STAU2: variants seen among roughly 807,000 people sequenced by gnomAD.
The protein encoded by STAU2 is double-stranded RNA-binding protein Staufen homolog 2.
Under a neutral mutation model 65.9 loss-of-function variants are expected in STAU2, and 20 were observed. That is an observed-to-expected ratio of 0.30 (90% CI 0.21 to 0.44). The LOEUF (loss-of-function observed/expected upper bound fraction) is 0.44. STAU2 is among the 20% of genes least tolerant of loss of function. The pLI, the probability that STAU2 is intolerant of heterozygous loss-of-function variation, is 1.00. For missense variants in STAU2, 558 were observed against 683.9 expected, an observed-to-expected ratio of 0.82 and a Z score of 2.05; for synonymous variants, 232 against 233.9, an observed-to-expected ratio of 0.99 and a Z score of 0.07.
At chr8:73,731,393 T>G (rs188349236) in intron 3 of STAU2, among the ~76,000 whole-genome samples, 31 of 152,324 alleles carry the variant, frequency 2.0e-4, no homozygotes, top group Admixed American at 2.0e-3. Context: ...GTAGGACTGC[T>G]GGGCTCTGTT....
chr8:73,599,871 C>T (rs182094506), intron 10 of STAU2, among the ~76,000 whole-genome samples: 61 of 152,202 alleles, frequency 4.0e-4, no homozygotes, highest in African/African-American at 1.4e-3. Flanking sequence ...GGGTTCATGC[C>T]ATTCTCCTGC....
rs1333642783 is a variant in STAU2, at chr8:73,421,344, C to T, written c.*28G>A. The T allele has an allele frequency of 1.8e-5, 27 of 1,531,296 alleles. No individual in the cohort carries two copies. The highest frequency in any genetic ancestry group is 4.8e-5 in the South Asian group (4 of 83,922). 94.9% of individuals were successfully genotyped at this position (1,531,296 alleles called of 1,614,324 possible). On this transcript the variant is annotated 3_prime_UTR_variant, in exon 15 of 15. Transcript: ENST00000524300. Reference sequence around the variant, plus strand: ...GCGTGCTGACAGGTTTATAAGGATGCGGTGGCAGCCGCGGGTTCTGGGAGC... The same window carrying T: ...GCGTGCTGACAGGTTTATAAGGATGTGGTGGCAGCCGCGGGTTCTGGGAGC...
At chr8:73,740,024 G>A (rs970263573) in intron 1 of STAU2, among the ~76,000 whole-genome samples, 156 bp from the exon 2 acceptor site, 7 of 152,320 alleles carry the variant, frequency 4.6e-5, no homozygotes, top group African/African-American at 1.7e-4. Context: ...AAAGAACTGA[G>A]AAAAGCCTCT....
At chr8:73,619,226 C>A (rs1166794568) in intron 6 of STAU2, among the ~76,000 whole-genome samples, 1 of 152,020 alleles carries the variant, frequency 6.6e-6, no homozygotes, top group Non-Finnish European at 1.5e-5. Context: ...GGAAAAAAGT[C>A]TATCAAGGAG....
intron 13 of STAU2, among the ~76,000 whole-genome samples, chr8:73,519,371 G>T (rs1328754637): frequency 6.6e-6 from 1 of 152,202 alleles, no homozygotes; most frequent in Non-Finnish European, 1.5e-5. Context: ...ATGCAGTCAT[G>T]AATGACATTA....
intron 4 of STAU2, among the ~76,000 whole-genome samples, chr8:73,704,983 G>C (rs1324020616): frequency 6.6e-6 from 1 of 152,030 alleles, no homozygotes; most frequent in Non-Finnish European, 1.5e-5. Flanking sequence ...GTTTCATAAT[G>C]AATGTTATGA....
intron 6 of STAU2, among the ~76,000 whole-genome samples, chr8:73,632,961 G>A (rs1252516582): frequency 2.0e-5 from 3 of 152,232 alleles, no homozygotes; most frequent in African/African-American, 7.2e-5. Flanking sequence ...TAAATGATAC[G>A]CATGCTATTC....
chr8:73,484,162 G>C (rs1368074462), intron 13 of STAU2, among the ~76,000 whole-genome samples: 1 of 152,024 alleles, frequency 6.6e-6, no homozygotes, highest in Non-Finnish European at 1.5e-5. Context: ...AGGTCCCCTT[G>C]GATATTGCTA....
upstream of STAU2, chr8:73,747,333 C>G (rs998502730): frequency 2.0e-5 from 30 of 1,524,970 alleles, no homozygotes; most frequent in African/African-American, 4.0e-4. Flanking sequence ...CCCCGCCCGA[C>G]TGACCGTCTG....
At chr8:73,621,935 G>C (rs1371057700) in intron 6 of STAU2, among the ~76,000 whole-genome samples, 1 of 151,150 alleles carries the variant, frequency 6.6e-6, no homozygotes, top group Admixed American at 6.6e-5. Context: ...ACTGCACAAT[G>C]GTTAGGTCTT....
At chr8:73,507,347 C>A (rs1371896460) in intron 13 of STAU2, among the ~76,000 whole-genome samples, 1 of 151,038 alleles carries the variant, frequency 6.6e-6, no homozygotes, top group Non-Finnish European at 1.5e-5. Context: ...GGCATGAAAA[C>A]AACATTCATC....
intron 6 of STAU2, among the ~76,000 whole-genome samples, chr8:73,626,017 T>A (rs1056353449): frequency 6.6e-6 from 1 of 152,094 alleles, no homozygotes; most frequent in Non-Finnish European, 1.5e-5. Context: ...GGATGGAGTT[T>A]TAGTTTCTAG....
intron 6 of STAU2, among the ~76,000 whole-genome samples, chr8:73,638,407 C>A (rs1586171114): frequency 6.6e-6 from 1 of 151,636 alleles, no homozygotes; most frequent in East Asian, 1.9e-4. Flanking sequence ...TTGCTTACAC[C>A]ATATTAAAAA....
At chr8:73,441,916 AT>A in intron 13 of STAU2, among the ~76,000 whole-genome samples, 1 of 152,180 alleles carries the variant, frequency 6.6e-6, no homozygotes, top group East Asian at 1.9e-4. Context: ...AAACTTTAAT[AT>A]TTTTTTCTAG....
At position 73,734,805 on chromosome 8, in the gene STAU2, A is replaced by C. The variant is rs1806319452; in HGVS notation, c.-18+3479T>G. Among the ~76,000 whole-genome samples, 8 of 152,290 alleles carry C rather than the reference A, an allele frequency of 5.3e-5. No homozygotes were observed. The South Asian group carries it at 1.5e-3, about 28-fold the overall frequency. On this transcript the variant is annotated intron_variant, in intron 3 of 14. Transcript: ENST00000524300. Reference sequence around the variant, plus strand: ...TGAGACTCCATCTCAAAAAATAAAAAATAAAAAAGCATCTAATTCAGGTAT... The same window carrying C: ...TGAGACTCCATCTCAAAAAATAAAACATAAAAAAGCATCTAATTCAGGTAT...
intron 13 of STAU2, among the ~76,000 whole-genome samples, chr8:73,454,921 G>C (rs969554452): frequency 6.6e-6 from 1 of 152,172 alleles, no homozygotes; most frequent in Non-Finnish European, 1.5e-5. Context: ...GGGAAGCTGT[G>C]GCTGTGGAGA....
At chr8:73,530,016 T>C (rs1805705241) in intron 13 of STAU2, among the ~76,000 whole-genome samples, 1 of 151,862 alleles carries the variant, frequency 6.6e-6, no homozygotes. Context: ...TGCCTTTTGC[T>C]TTTTTACCCA....
intron 6 of STAU2, among the ~76,000 whole-genome samples, chr8:73,621,931 C>CA (rs1463046957): frequency 1.3e-5 from 2 of 149,876 alleles, no homozygotes; most frequent in African/African-American, 4.9e-5. Flanking sequence ...GCTTACTGCA[C>CA]AATGGTTAGG....
chr8:73,495,568 AACTT>A (rs1821365007), intron 13 of STAU2, among the ~76,000 whole-genome samples: 1 of 150,584 alleles, frequency 6.6e-6, no homozygotes, highest in South Asian at 2.1e-4. Context: ...TGTCAATAAA[AACTT>A]ATACTTTTTA....
Sources: gnomAD v4.1 joint callset for allele counts (sites outside exome capture counted in the v4.1 genomes callset) on GRCh38, gnomAD v4.1.1 for gene constraint, MANE v1.5 for transcripts, NCBI Gene and HGNC (gene_info 2026-07-23, HGNC 2026-07-21) for gene names.